XPA: variants seen among roughly 807,000 people sequenced by gnomAD.
XPA encodes XPA, DNA damage recognition and repair factor.
Under a neutral mutation model 35.7 loss-of-function variants are expected in XPA, and 27 were observed. That is an observed-to-expected ratio of 0.76 (90% confidence interval 0.56 to 1.04). XPA has a LOEUF of 1.04. Among genes scored for constraint, XPA ranks in the 50% least tolerant of loss-of-function variants. The pLI is 0.00. For missense variants in XPA, 354 were observed against 342.7 expected (o/e 1.03, Z -0.26); for synonymous variants, 133 against 118.4 (o/e 1.12, Z -0.80).
intron 5 of XPA, among the ~76,000 whole-genome samples, chr9:97,683,960 TATAC>T (rs1468791606): frequency 1.3e-5 from 2 of 152,224 alleles, no homozygotes; most frequent in African/African-American, 4.8e-5. Flanking sequence ...AAACCGAATA[TATAC>T]ATAAAGTATG....
intron 5 of XPA, among the ~76,000 whole-genome samples, chr9:97,683,596 T>A (rs982174869): frequency 6.6e-6 from 1 of 152,216 alleles, no homozygotes; most frequent in Non-Finnish European, 1.5e-5. Flanking sequence ...AAAAAAAATT[T>A]AAGGATCTTA....
intron 4 of XPA, among the ~76,000 whole-genome samples, chr9:97,685,903 C>A (rs1048309013): frequency 2.0e-5 from 3 of 152,194 alleles, no homozygotes; most frequent in African/African-American, 2.4e-5. Context: ...TTTGCACTTG[C>A]ATTTTCCCTT....
chr9:97,655,864 T>C, the XPA span: 2 of 1,364,158 alleles, frequency 1.5e-6, no homozygotes, highest in East Asian at 2.3e-5. Context: ...TCTTGGAAAC[T>C]ATTTGTAGTT....
the XPA span, among the ~76,000 whole-genome samples, chr9:97,657,505 C>T: frequency 0.12 from 17,976 of 152,152 alleles, 3,016 homozygotes; most frequent in African/African-American, 0.37. Flanking sequence ...GATGTTAATC[C>T]TGATCCACCT....
chr9:97,693,182 T>C (rs761566145), intron 2 of XPA, among the ~76,000 whole-genome samples: 11 of 152,116 alleles, frequency 7.2e-5, no homozygotes, highest in Non-Finnish European at 1.3e-4. Flanking sequence ...TGTGTACATA[T>C]AAGTGATTTA....
chr9:97,669,659 C>G, the XPA span: 6 of 1,612,714 alleles, frequency 3.7e-6, 1 homozygote, highest in South Asian at 6.6e-5. Flanking sequence ...TGTATTAACA[C>G]CATGGTATAA....
downstream of XPA, chr9:97,673,318 T>C (rs1373045833): frequency 6.6e-6 from 1 of 152,166 alleles, no homozygotes; most frequent in Admixed American, 6.5e-5. Flanking sequence ...TAGTTTAAAA[T>C]GACTCCTGTC....
In XPA at chr9:97,693,898, A is replaced by T. The variant is rs1353979934; in HGVS notation, c.173-139T>A. 4 of 812,866 alleles carry T rather than the reference A, an allele frequency of 4.9e-6. No individual in the cohort carries two copies. The Admixed American group carries it at 8.9e-5, about 18-fold the overall frequency. 50.4% of individuals were successfully genotyped at this position (812,866 alleles called of 1,614,324 possible). A position where few individuals can be genotyped will look rare whatever the true frequency, so the allele number is the denominator to read the frequency against. On this transcript the variant is annotated intron_variant, in intron 1 of 5. Transcript: ENST00000375128. ...TCCACAATCACTACTTCTATTCAAC[A>T]TTATACTGAAGGTCCCAGCTAGTCT...
At chr9:97,686,255 C>T (rs538959855) in intron 4 of XPA, among the ~76,000 whole-genome samples, 15 of 152,246 alleles carry the variant, frequency 9.9e-5, no homozygotes, top group Admixed American at 2.6e-4. Flanking sequence ...AATATTTGTA[C>T]CACTCTGAGG....
intron 5 of XPA, among the ~76,000 whole-genome samples, chr9:97,676,935 G>C (rs1047221696): frequency 3.3e-5 from 5 of 152,070 alleles, no homozygotes; most frequent in African/African-American, 1.2e-4. Flanking sequence ...GATCTGGAAT[G>C]CCCTCCTTCC....
chr9:97,661,162 A>G, the XPA span: 1 of 1,486,230 alleles, frequency 6.7e-7, no homozygotes, highest in Non-Finnish European at 9.1e-7. Context: ...TTAAAGCAAT[A>G]TATCTATATC....
chr9:97,685,259 A>T (rs2131393818), intron 4 of XPA, among the ~76,000 whole-genome samples: 1 of 152,356 alleles, frequency 6.6e-6, no homozygotes, highest in African/African-American at 2.4e-5. Context: ...CGTATGCTGA[A>T]TTAGATTATA....
At chr9:97,665,906 C>A in the XPA span, among the ~76,000 whole-genome samples, 3 of 152,036 alleles carry the variant, frequency 2.0e-5, no homozygotes, top group African/African-American at 7.3e-5. Flanking sequence ...TGTATTCTTA[C>A]AATAAATCAT....
At chr9:97,695,194 C>T (rs1829005486) in intron 1 of XPA, among the ~76,000 whole-genome samples, 1 of 151,828 alleles carries the variant, frequency 6.6e-6, no homozygotes, top group East Asian at 1.9e-4. Flanking sequence ...CAGATGAGTA[C>T]ATTTTACAGT....
At chr9:97,695,665 A>G (rs1829020182) in intron 1 of XPA, among the ~76,000 whole-genome samples, 1 of 152,040 alleles carries the variant, frequency 6.6e-6, no homozygotes, top group Admixed American at 6.6e-5. Flanking sequence ...CCTTAGCACC[A>G]CTCTTCGTAT....
At chr9:97,666,769 T>A in the XPA span, 1 of 1,591,330 alleles carries the variant, frequency 6.3e-7, no homozygotes, top group Non-Finnish European at 8.5e-7. Context: ...TAAGATTGTT[T>A]GTTTGGGAAA....
the XPA span, chr9:97,666,622 T>G: frequency 1.1e-5 from 6 of 559,298 alleles, no homozygotes; most frequent in Non-Finnish European, 1.9e-5. Flanking sequence ...TTTGTAAGTA[T>G]TGCTGGAGAA....
At chr9:97,684,594 T>C (rs1028547469) in intron 5 of XPA, among the ~76,000 whole-genome samples, 2 of 152,222 alleles carry the variant, frequency 1.3e-5, no homozygotes, top group African/African-American at 4.8e-5. Flanking sequence ...GTGTGTTTTT[T>C]ATAACACACC....
the XPA span, among the ~76,000 whole-genome samples, chr9:97,657,958 T>C: frequency 6.9e-6 from 1 of 145,468 alleles, no homozygotes; most frequent in African/African-American, 2.5e-5. Flanking sequence ...TCCCCAGCCA[T>C]TCATTGAGCA....
Sources: allele counts gnomAD v4.1 joint callset (sites outside exome capture counted in the v4.1 genomes callset), GRCh38; gene constraint gnomAD v4.1.1; transcripts MANE v1.5; gene names NCBI Gene and HGNC (gene_info 2026-07-23, HGNC 2026-07-21).